The following TGFB2 variants were observed in gnomAD, a reference collection of about 807,000 sequenced individuals.
TGFB2 encodes transforming growth factor beta 2.
In TGFB2, 13 loss-of-function variants were observed where a neutral mutation model predicts 42.7. That is an observed-to-expected ratio of 0.30 (90% confidence interval 0.20 to 0.48). TGFB2 has a LOEUF of 0.48. Ranked by LOEUF, TGFB2 falls within the 20% of genes least tolerant of loss-of-function variation. The probability of loss-of-function intolerance (pLI) is 0.99; values close to 1 mark genes in which losing one functional copy is unlikely to be tolerated. For synonymous variants in TGFB2, 193 were observed against 193.6 expected, an observed-to-expected ratio of 1.00 and a Z score of 0.03; for missense variants, 390 against 517.5, an observed-to-expected ratio of 0.75 and a Z score of 2.39.
chr1:218,416,288 G>T (rs756398602), intron 2 of TGFB2, among the ~76,000 whole-genome samples: 3 of 149,184 alleles, frequency 2.0e-5, no homozygotes, highest in Non-Finnish European at 4.5e-5. Context: ...TTTTAATAAG[G>T]TTCCTTTTTT....
At position 218,346,689 on chromosome 1, in the gene TGFB2, A is replaced by T; in HGVS notation, c.-13A>T. ...ACTTTTAAAAACAACTTTTTTTTCCACTTTTTTAAAAAATGCACTACTGTG... is the reference window on the plus strand; with the variant it reads ...ACTTTTAAAAACAACTTTTTTTTCCTCTTTTTTAAAAAATGCACTACTGTG... On this transcript the variant is annotated 5_prime_UTR_variant, in exon 1 of 7. Transcript: ENST00000366930. The surrounding 1 kb of genome is among the most constrained non-coding windows in gnomAD (Gnocchi z 4.9). 1 of 1,564,240 alleles carries T rather than the reference A, an allele frequency of 6.4e-7. No homozygotes were observed. Among genetic ancestry groups the T allele is most frequent in the Non-Finnish European group, 8.6e-7 (1 of 1,160,594 alleles).
chr1:218,393,907 C>T (rs953546200), intron 1 of TGFB2, among the ~76,000 whole-genome samples: 3 of 150,926 alleles, frequency 2.0e-5, no homozygotes, highest in Non-Finnish European at 3.0e-5. Context: ...AGGCATCGGC[C>T]TCTTTTTTTT....
At chr1:218,376,780 G>A (rs1305972019) in intron 1 of TGFB2, among the ~76,000 whole-genome samples, 3 of 152,148 alleles carry the variant, frequency 2.0e-5, no homozygotes, top group Non-Finnish European at 4.4e-5. Flanking sequence ...GCCTATTTGT[G>A]GAGACCCATT....
intron 1 of TGFB2, among the ~76,000 whole-genome samples, chr1:218,391,461 A>G (rs760190362): frequency 3.9e-5 from 6 of 152,214 alleles, no homozygotes; most frequent in African/African-American, 9.7e-5. Context: ...CCACCTAAAC[A>G]AACTTGAAGA....
chr1:218,410,717 T>C (rs1337445918), intron 2 of TGFB2, among the ~76,000 whole-genome samples: 1 of 152,230 alleles, frequency 6.6e-6, no homozygotes, highest in Non-Finnish European at 1.5e-5. Context: ...TTGCGATATG[T>C]TCAGACAAAA....
chr1:218,442,867 ATTGAG>A lies in TGFB2; in HGVS notation c.*1508_*1512del, dbSNP rs1344503573. 5 of 152,160 alleles carry A rather than the reference ATTGAG, an allele frequency of 3.3e-5. No individual in the cohort carries two copies. The highest frequency in any genetic ancestry group is 7.2e-5 in the African/African-American group (3 of 41,452). 9.4% of individuals were successfully genotyped at this position (152,160 alleles called of 1,614,324 possible). A position where few individuals can be genotyped will look rare whatever the true frequency, so the allele number is the denominator to read the frequency against. Reference sequence around the variant, plus strand: ...GTTCTAACTAAAACTCAGAATCTTTATTGAGTTAAGAAAAGTTTCTCTACCTTGGT... The same window carrying A: ...GTTCTAACTAAAACTCAGAATCTTTATTAAGAAAAGTTTCTCTACCTTGGT... On this transcript the variant is annotated 3_prime_UTR_variant, in exon 7 of 7. Transcript: ENST00000366930.
At chr1:218,400,382 G>A (rs1040854097) in intron 1 of TGFB2, among the ~76,000 whole-genome samples, 3 of 152,110 alleles carry the variant, frequency 2.0e-5, no homozygotes, top group African/African-American at 7.2e-5. Flanking sequence ...TGCTCCCAGA[G>A]TGACAGGAGA....
In TGFB2 at chr1:218,443,952, C is replaced by A. The variant is rs1008867468; in HGVS notation, c.*2590C>A. 6.6e-6 allele frequency: 1 copy of A among 152,116 alleles called. No individual in the cohort carries two copies. Among genetic ancestry groups the A allele is most frequent in the African/African-American group, 2.4e-5 (1 of 41,406 alleles). 9.4% of individuals were successfully genotyped at this position (152,116 alleles called of 1,614,324 possible). On this transcript the variant is annotated 3_prime_UTR_variant, in exon 7 of 7. Coordinates refer to ENST00000366930, the MANE Select transcript of TGFB2 (RefSeq NM_003238.6). ...CGCTGTATTTTAACACGATGTATGT[C>A]TGTTTTTGTGGTGCTCTAGTGGTAA...
intron 1 of TGFB2, among the ~76,000 whole-genome samples, chr1:218,355,169 G>T (rs1187892377): frequency 6.6e-6 from 1 of 152,100 alleles, no homozygotes; most frequent in Non-Finnish European, 1.5e-5. Flanking sequence ...CAAAGTGCTG[G>T]GATTATAGGC....
chr1:218,434,697 AACC>A (rs1476626557), intron 4 of TGFB2, among the ~76,000 whole-genome samples: 3 of 152,254 alleles, frequency 2.0e-5, no homozygotes, highest in Non-Finnish European at 2.9e-5. Flanking sequence ...TTAACTCATT[AACC>A]CTCCAGTAGT....
chr1:218,353,668 G>A (rs1320723206), intron 1 of TGFB2, among the ~76,000 whole-genome samples: 3 of 152,160 alleles, frequency 2.0e-5, no homozygotes, highest in Non-Finnish European at 2.9e-5. Context: ...AAGCTGAGGC[G>A]GGAGGATCAC....
At chr1:218,391,068 T>C (rs1658302695) in intron 1 of TGFB2, among the ~76,000 whole-genome samples, 2 of 152,198 alleles carry the variant, frequency 1.3e-5, no homozygotes, top group Admixed American at 1.3e-4. Context: ...GGGCTACCAT[T>C]TGGCATAAAC....
chr1:218,407,984 A>C (rs1303159915), intron 2 of TGFB2, among the ~76,000 whole-genome samples: 1 of 152,204 alleles, frequency 6.6e-6, no homozygotes, highest in Non-Finnish European at 1.5e-5. Flanking sequence ...AACAAACAAA[A>C]AACATGATTA....
rs536229270 is a variant in TGFB2, at chr1:218,377,960, GT to G, written c.347-27206del. 5.9e-3 allele frequency among the ~76,000 whole-genome samples: 722 copies of G among 122,290 alleles called. 4 individuals carry two copies. The highest frequency in any genetic ancestry group is 0.037 in the African/African-American group (655 of 17,770). 80.2% of individuals were successfully genotyped at this position (122,290 alleles called of 152,430 possible). A position where few individuals can be genotyped will look rare whatever the true frequency, so the allele number is the denominator to read the frequency against. On this transcript the variant is annotated intron_variant, in intron 1 of 6. Coordinates refer to ENST00000366930, the MANE Select transcript of TGFB2 (RefSeq NM_003238.6). ...TAATTCATTACATATATTATAGTGTGTTTGTTTGTTTGTTTGTTTGTTTGTT... is the reference window on the plus strand; with the variant it reads ...TAATTCATTACATATATTATAGTGTGTTGTTTGTTTGTTTGTTTGTTTGTT...
chr1:218,419,604 T>G, intron 2 of TGFB2, among the ~76,000 whole-genome samples: 1 of 152,204 alleles, frequency 6.6e-6, no homozygotes, highest in Non-Finnish European at 1.5e-5. Context: ...TTAACTAAAA[T>G]GTCAAAATAA....
chr1:218,382,893 A>G (rs1376027178), intron 1 of TGFB2, among the ~76,000 whole-genome samples: 3 of 152,202 alleles, frequency 2.0e-5, no homozygotes, highest in Non-Finnish European at 2.9e-5. Context: ...TGAGTATTCA[A>G]TTTTAAGCAC....
chr1:218,378,624 GCTGTTGAGACAGAGTCTCACT>G (rs1284434396), intron 1 of TGFB2, among the ~76,000 whole-genome samples: 1 of 151,812 alleles, frequency 6.6e-6, no homozygotes, highest in East Asian at 1.9e-4. Flanking sequence ...TGTTCATTTT[GCTGTTGAGACAGAGTCTCACT>G]CTGCCACCCA....
chr1:218,394,727 C>T (rs542342990), intron 1 of TGFB2, among the ~76,000 whole-genome samples: 3 of 152,208 alleles, frequency 2.0e-5, no homozygotes, highest in Admixed American at 6.5e-5. Context: ...ACCGCTGATG[C>T]GCTGTTTATT....
chr1:218,433,967 A>G (rs1659886925), intron 2 of TGFB2, 115 bp from the exon 3 acceptor site: 1 of 1,348,694 alleles, frequency 7.4e-7, no homozygotes, highest in Non-Finnish European at 1.0e-6. Flanking sequence ...ATGCATGGCT[A>G]TACTACAGTA....
Sources: allele counts gnomAD v4.1 joint callset (sites outside exome capture counted in the v4.1 genomes callset), GRCh38; gene constraint gnomAD v4.1.1; non-coding constraint Gnocchi (gnomAD v3.1); transcripts MANE v1.5; gene names NCBI Gene and HGNC (gene_info 2026-07-23, HGNC 2026-07-21).